The following TRAPPC9 variants were observed in gnomAD, a reference collection of about 807,000 sequenced individuals.
TRAPPC9 encodes IKK2 binding protein.
In TRAPPC9, 83 loss-of-function variants were observed where a neutral mutation model predicts 124.0. The observed-to-expected ratio is 0.67, with a 90% CI of 0.56 to 0.80. The LOEUF is 0.80. TRAPPC9 is among the 30% of genes least tolerant of loss of function. The pLI is 0.00. For missense variants in TRAPPC9, 1,302 were observed against 1,508.3 expected, an observed-to-expected ratio of 0.86 and a Z score of 2.27; for synonymous variants, 638 against 617.5, an observed-to-expected ratio of 1.03 and a Z score of -0.49.
At chr8:140,297,761 C>T (rs1045547185) in intron 11 of TRAPPC9, among the ~76,000 whole-genome samples, 15 of 152,352 alleles carry the variant, frequency 9.8e-5, no homozygotes, top group Admixed American at 3.3e-4. Flanking sequence ...ACCAGGTACC[C>T]CTGCTGACAG....
chr8:139,822,314 CAT>C (rs1825306395), intron 21 of TRAPPC9, among the ~76,000 whole-genome samples: 1 of 152,312 alleles, frequency 6.6e-6, no homozygotes, highest in East Asian at 1.9e-4. Flanking sequence ...GGGTCAGTGA[CAT>C]ATGAGGAGAT....
chr8:140,284,411 T>C (rs1452382858), intron 13 of TRAPPC9, among the ~76,000 whole-genome samples: 3 of 152,228 alleles, frequency 2.0e-5, no homozygotes, highest in African/African-American at 7.2e-5. Context: ...TGTGACTTAA[T>C]GAGTATGTGA....
intron 21 of TRAPPC9, among the ~76,000 whole-genome samples, chr8:139,801,481 G>A (rs1377746793): frequency 1.3e-5 from 2 of 152,238 alleles, no homozygotes; most frequent in Non-Finnish European, 2.9e-5. Context: ...GGCCCCCAAG[G>A]AGGCATGGTG....
At chr8:140,333,436 A>C (rs1422397905) in intron 9 of TRAPPC9, among the ~76,000 whole-genome samples, 1 of 152,234 alleles carries the variant, frequency 6.6e-6, no homozygotes, top group African/African-American at 2.4e-5. Context: ...CTTGTCGCCC[A>C]GGCTGGAGTG....
intron 17 of TRAPPC9, among the ~76,000 whole-genome samples, chr8:140,150,537 A>G (rs2061528433): frequency 6.6e-6 from 1 of 152,226 alleles, no homozygotes. Flanking sequence ...CTGAAGCCCA[A>G]GAGTTGGTTG....
At chr8:140,447,927 T>G (rs1247421964) in intron 2 of TRAPPC9, among the ~76,000 whole-genome samples, 1 of 151,956 alleles carries the variant, frequency 6.6e-6, no homozygotes, top group Non-Finnish European at 1.5e-5. Context: ...GGTGGATCAC[T>G]TGAGGTCAGG....
chr8:140,252,704 G>A lies in TRAPPC9; in HGVS notation c.2431+73C>T, dbSNP rs2064157020. ...GTGAGTTACAAACAGCAAACAGCAG[G>A]CATCAAGGGATGGGGGTTGCTACAC... On this transcript the variant is annotated intron_variant, in intron 16 of 22. Transcript: ENST00000438773. This position sits in a 1 kb window ranked among gnomAD's most constrained non-coding sequence, Gnocchi z 4.2. The A allele has an allele frequency of 6.4e-7, 1 of 1,550,930 alleles. No homozygotes were observed.
intron 15 of TRAPPC9, among the ~76,000 whole-genome samples, chr8:140,258,101 G>T (rs146709392): frequency 2.6e-5 from 4 of 152,212 alleles, no homozygotes; most frequent in African/African-American, 9.7e-5. Flanking sequence ...CTAGACACAA[G>T]ACAACAAAGT....
chr8:139,952,220 T>C (rs1466297538), intron 19 of TRAPPC9, among the ~76,000 whole-genome samples: 1 of 152,236 alleles, frequency 6.6e-6, no homozygotes, highest in Admixed American at 6.5e-5. Flanking sequence ...GCAAATTGCA[T>C]GCCAGACACT....
At chr8:139,902,290 T>C (rs554258382) in intron 20 of TRAPPC9, among the ~76,000 whole-genome samples, 64 of 152,302 alleles carry the variant, frequency 4.2e-4, no homozygotes, top group African/African-American at 1.4e-3. Context: ...GCCACCAGAT[T>C]TGGATTTGGG....
chr8:140,132,732 G>C (rs1249169506), intron 17 of TRAPPC9, among the ~76,000 whole-genome samples: 1 of 152,196 alleles, frequency 6.6e-6, no homozygotes, highest in Non-Finnish European at 1.5e-5. Flanking sequence ...GGGTCATGCA[G>C]AATGCCTGGG....
rs574298765 is a variant in TRAPPC9, at chr8:140,345,908, G to A, written c.1495+14142C>T. Among the ~76,000 whole-genome samples, 55 of 152,222 alleles carry A rather than the reference G, an allele frequency of 3.6e-4. 1 individual carries two copies. The highest frequency in any genetic ancestry group is 5.1e-4 in the Non-Finnish European group (35 of 68,044). Reference sequence around the variant, plus strand: ...GGGCCTGGGCCGCTGACAGAATGGAGAGGCACAGAGATGTGGCCACCGTGG... The same window carrying A: ...GGGCCTGGGCCGCTGACAGAATGGAAAGGCACAGAGATGTGGCCACCGTGG... On this transcript the variant is annotated intron_variant, in intron 9 of 22. Coordinates refer to ENST00000438773, the MANE Select transcript of TRAPPC9 (RefSeq NM_001160372.4).
chr8:140,006,209 G>T (rs938988058), intron 18 of TRAPPC9, among the ~76,000 whole-genome samples: 7 of 152,134 alleles, frequency 4.6e-5, no homozygotes, highest in Non-Finnish European at 1.0e-4. Context: ...TTTGTGAAGG[G>T]TCTCTGAAGC....
intron 2 of TRAPPC9, among the ~76,000 whole-genome samples, chr8:140,443,391 G>T (rs529822808): frequency 1.3e-5 from 2 of 150,524 alleles, no homozygotes; most frequent in Admixed American, 6.6e-5. Flanking sequence ...AGCCAAGATC[G>T]CGCCACTGCA....
intron 17 of TRAPPC9, among the ~76,000 whole-genome samples, chr8:140,207,440 T>C (rs2062953423): frequency 1.3e-5 from 2 of 152,228 alleles, no homozygotes; most frequent in Non-Finnish European, 2.9e-5. Flanking sequence ...CATATTGGCT[T>C]TCTGTCAGTC....
intron 17 of TRAPPC9, among the ~76,000 whole-genome samples, chr8:140,127,256 C>T (rs2061115919): frequency 6.6e-6 from 1 of 152,176 alleles, no homozygotes; most frequent in Non-Finnish European, 1.5e-5. Flanking sequence ...ATGCACCAAG[C>T]CTACCTGCGT....
chr8:139,751,449 C>A (rs1586761436), intron 21 of TRAPPC9, among the ~76,000 whole-genome samples: 1 of 152,202 alleles, frequency 6.6e-6, no homozygotes, highest in East Asian at 1.9e-4. Context: ...ATTTCTGATT[C>A]TTCCCACTGC....
At chr8:140,057,892 C>T (rs1842381333) in intron 17 of TRAPPC9, among the ~76,000 whole-genome samples, 1 of 152,222 alleles carries the variant, frequency 6.6e-6, no homozygotes, top group Admixed American at 6.5e-5. Flanking sequence ...GGTGGCCCAG[C>T]GTCTGATCCA....
At chr8:139,855,817 G>T (rs998219435) in intron 21 of TRAPPC9, among the ~76,000 whole-genome samples, 1 of 152,202 alleles carries the variant, frequency 6.6e-6, no homozygotes, top group Non-Finnish European at 1.5e-5. Context: ...GGTTTATAAA[G>T]CTCATAAGAC....
Sources: gnomAD v4.1 joint callset for allele counts (sites outside exome capture counted in the v4.1 genomes callset) on GRCh38, gnomAD v4.1.1 for gene constraint, Gnocchi (gnomAD v3.1) non-coding constraint, MANE v1.5 for transcripts, NCBI Gene and HGNC (gene_info 2026-07-23, HGNC 2026-07-21) for gene names.